The following COBL variants were observed in gnomAD, a reference collection of about 807,000 sequenced individuals.
The protein encoded by COBL is protein cordon-bleu.
Under a neutral mutation model 98.8 loss-of-function variants are expected in COBL, and 51 were observed. That is an observed-to-expected ratio of 0.52 (90% CI 0.41 to 0.65). The LOEUF (loss-of-function observed/expected upper bound fraction) is 0.65, where lower values mean the gene tolerates loss of function less well. Ranked by LOEUF, COBL falls within the 30% of genes least tolerant of loss-of-function variation. The pLI, the probability that COBL is intolerant of heterozygous loss-of-function variation, is 0.00. For missense variants in COBL, 1,617 were observed against 1,617.5 expected, an observed-to-expected ratio of 1.00 and a Z score of 0.01; for synonymous variants, 634 against 651.7, an observed-to-expected ratio of 0.97 and a Z score of 0.41.
intron 8 of COBL, chr7:51,034,660 G>A (rs561022061): frequency 6.6e-6 from 1 of 152,332 alleles, no homozygotes; most frequent in South Asian, 2.1e-4. Context: ...GGGCTTGGAG[G>A]CCAGTTCCCT....
intron 6 of COBL, among the ~76,000 whole-genome samples, chr7:51,101,947 G>T (rs1026697773): frequency 6.6e-6 from 1 of 152,112 alleles, no homozygotes; most frequent in Non-Finnish European, 1.5e-5. Flanking sequence ...TTGGGAAGTG[G>T]TAAGTTGGTG....
chr7:51,220,283 C>T (rs1052245752), intron 1 of COBL, among the ~76,000 whole-genome samples: 3 of 152,146 alleles, frequency 2.0e-5, no homozygotes, highest in Non-Finnish European at 4.4e-5. Flanking sequence ...GATGACACAT[C>T]ACACGAATTA....
At chr7:51,271,084 G>A in intron 1 of COBL, among the ~76,000 whole-genome samples, 1 of 152,226 alleles carries the variant, frequency 6.6e-6, no homozygotes, top group East Asian at 1.9e-4. Flanking sequence ...CAGGCCGCCA[G>A]GCCTGGTGTA....
At chr7:51,147,029 C>T (rs1466025943) in intron 5 of COBL, among the ~76,000 whole-genome samples, 5 of 152,124 alleles carry the variant, frequency 3.3e-5, no homozygotes, top group Admixed American at 3.3e-4. Context: ...GTTCTGCAGG[C>T]CAGGGTCCCT....
rs747677102 is a variant in COBL at position 51,029,419 on chromosome 7, A to G, written c.1677T>C (p.Asn559=). ...DDPVDSGLFS[N]RNNNAGSFDS... is the part of the protein sequence containing the mutation. ...CGAAAGACCCAGCATTGTTGTTTCT[A>G]TTGGAAAACAACCCCGAATCCACAG... Residue 559 remains asparagine (N), a synonymous_variant, in exon 10 of 13, where the codon AAT becomes AAC. Coordinates refer to ENST00000265136, the MANE Select transcript of COBL (RefSeq NM_015198.5). 14 of 1,613,946 alleles carry G rather than the reference A, an allele frequency of 8.7e-6. No individual in the cohort carries two copies. Among genetic ancestry groups the G allele is most frequent in the South Asian group, 6.6e-5 (6 of 91,072 alleles).
chr7:51,243,752 G>C (rs532514238), intron 1 of COBL, among the ~76,000 whole-genome samples: 3 of 152,302 alleles, frequency 2.0e-5, no homozygotes, highest in Admixed American at 2.0e-4. Flanking sequence ...GGGACGGCAG[G>C]AGGAGGTGGC....
chr7:51,114,485 C>T (rs1028838065), intron 6 of COBL, among the ~76,000 whole-genome samples: 1 of 152,016 alleles, frequency 6.6e-6, no homozygotes, highest in African/African-American at 2.4e-5. Flanking sequence ...GGAAAGAAAT[C>T]ACAGTTAGCC....
intron 6 of COBL, among the ~76,000 whole-genome samples, chr7:51,091,923 T>C (rs932745434): frequency 6.6e-6 from 1 of 152,184 alleles, no homozygotes; most frequent in African/African-American, 2.4e-5. Flanking sequence ...CAATCAAGGA[T>C]ACTTAAAAAC....
chr7:51,092,238 G>A (rs1054772186), intron 6 of COBL, among the ~76,000 whole-genome samples: 9 of 152,214 alleles, frequency 5.9e-5, no homozygotes, highest in Admixed American at 2.0e-4. Flanking sequence ...ACTGGTCCGT[G>A]GAAAAATTGT....
chr7:51,286,703 T>C (rs1800401755), intron 1 of COBL, among the ~76,000 whole-genome samples: 1 of 152,188 alleles, frequency 6.6e-6, no homozygotes, highest in East Asian at 1.9e-4. Context: ...AGTTTAGAGA[T>C]TTCTCAAAGA....
chr7:51,212,278 T>C (rs528333838), intron 2 of COBL, among the ~76,000 whole-genome samples: 13 of 152,336 alleles, frequency 8.5e-5, no homozygotes, highest in Admixed American at 2.6e-4. Flanking sequence ...TTTTCTTTTG[T>C]AGGTGGTTCT....
chr7:51,265,107 C>A (rs757839074), intron 1 of COBL, among the ~76,000 whole-genome samples: 5 of 152,168 alleles, frequency 3.3e-5, no homozygotes, highest in Non-Finnish European at 5.9e-5. Flanking sequence ...TGATGCCCCA[C>A]TCAAGAAAGT....
chr7:51,265,262 C>T (rs549016921), intron 1 of COBL, among the ~76,000 whole-genome samples: 1 of 152,288 alleles, frequency 6.6e-6, no homozygotes, highest in Admixed American at 6.5e-5. Context: ...TTTTAAAGAC[C>T]TGGGAAAGCA....
chr7:51,161,135 C>CA (rs1326854362), intron 5 of COBL, among the ~76,000 whole-genome samples: 2 of 152,088 alleles, frequency 1.3e-5, no homozygotes, highest in Non-Finnish European at 2.9e-5. Context: ...ATGAACACTC[C>CA]AAAAACAGAA....
chr7:51,114,307 G>A (rs1386179890), intron 6 of COBL, among the ~76,000 whole-genome samples: 1 of 151,404 alleles, frequency 6.6e-6, no homozygotes, highest in Non-Finnish European at 1.5e-5. Context: ...TCTCTCTACC[G>A]TGCTGCCCCT....
chr7:51,137,138 T>C (rs1799310261), intron 5 of COBL, among the ~76,000 whole-genome samples: 1 of 152,202 alleles, frequency 6.6e-6, no homozygotes, highest in Non-Finnish European at 1.5e-5. Flanking sequence ...CTGGTGCCTC[T>C]TCTCTCCTAG....
intron 8 of COBL, among the ~76,000 whole-genome samples, chr7:51,041,454 A>C (rs1789179980): frequency 6.6e-6 from 1 of 151,388 alleles, no homozygotes. Flanking sequence ...CTATTTCTTT[A>C]AATCAGTTTA....
rs1803640070 is a variant in COBL at position 51,316,641 on chromosome 7, G to A, written c.-8C>T. ...GGCGCGCGGCGCGTCCATGGTGCCG[G>A]GGGCCGGGACGCGGGCGGTGCTCCG... On this transcript the variant is annotated 5_prime_UTR_variant, in exon 1 of 13. Coordinates refer to ENST00000265136, the MANE Select transcript of COBL (RefSeq NM_015198.5). The A allele has an allele frequency of 1.7e-6, 2 of 1,197,544 alleles. No homozygotes were observed. The highest frequency in any genetic ancestry group is 4.5e-5 in the Admixed American group (1 of 22,430). The allele number at this position is 1,197,544 out of a possible 1,614,324, so 74.2% of individuals were successfully genotyped here.
chr7:51,291,369 C>G (rs1031132035), intron 1 of COBL, among the ~76,000 whole-genome samples: 2 of 152,166 alleles, frequency 1.3e-5, no homozygotes, highest in African/African-American at 4.8e-5. Flanking sequence ...AAAAAGTTAC[C>G]TTGAACACAA....
Sources: allele counts gnomAD v4.1 joint callset (sites outside exome capture counted in the v4.1 genomes callset), GRCh38; gene constraint gnomAD v4.1.1; transcripts MANE v1.5; gene names NCBI Gene and HGNC (gene_info 2026-07-23, HGNC 2026-07-21).